ITGB2: variants seen among roughly 807,000 people sequenced by gnomAD.
ITGB2 encodes the protein integrin beta-2.
Under a neutral mutation model 86.8 loss-of-function variants are expected in ITGB2, and 56 were observed. The observed-to-expected ratio is 0.65, with a 90% CI of 0.52 to 0.81. The LOEUF is 0.81. ITGB2 is among the 30% of genes least tolerant of loss of function. ITGB2 has a pLI of 0.00. For synonymous variants in ITGB2, 457 were observed against 450.4 expected, an observed-to-expected ratio of 1.01 and a Z score of -0.19; for missense variants, 948 against 1,061.2, an observed-to-expected ratio of 0.89 and a Z score of 1.48.
At chr21:44,886,642 A>G in intron 15 of ITGB2, 94 bp downstream of exon 15, 1 of 1,558,890 alleles carries the variant, frequency 6.4e-7, no homozygotes, top group Non-Finnish European at 8.8e-7. Flanking sequence ...GGGTGCAGCC[A>G]CACACGGGTG....
intron 9 of ITGB2, chr21:44,894,040 G>A (rs2083827794): frequency 3.9e-6 from 1 of 257,074 alleles, no homozygotes; most frequent in African/African-American, 2.2e-5. Flanking sequence ...GACAAAGACT[G>A]AGAGACAGAC....
intron 3 of ITGB2, among the ~76,000 whole-genome samples, chr21:44,907,809 G>A (rs1195436323): frequency 6.6e-6 from 1 of 152,200 alleles, no homozygotes; most frequent in Non-Finnish European, 1.5e-5. Context: ...GAGTCCCGCA[G>A]GCAGGGGGGC....
intron 4 of ITGB2, among the ~76,000 whole-genome samples, chr21:44,905,889 C>T (rs759216215): frequency 2.6e-5 from 4 of 152,164 alleles, no homozygotes; most frequent in African/African-American, 4.8e-5. Context: ...ACTCAGTGGC[C>T]GCTGACCTGG....
Position 44,910,732 on chromosome 21 carries a change from G to T in ITGB2, c.51C>A (p.Leu17=), listed in dbSNP as rs768225440. 2.0e-5 allele frequency: 32 copies of T among 1,613,878 alleles called. No individual in the cohort carries two copies. In the South Asian group the frequency reaches 3.2e-4, roughly 16 times the overall value. Residue 17 remains leucine, a synonymous_variant, in exon 2 of 16, where the codon CTC becomes CTA. Transcript: ENST00000652462. ...GTGGAACACAGAACTCACCGCACCC[G>T]AGGGAGAGCAGCCCCACCAGGGCGA... ...PLLALVGLLS[L]GCVLSQECTK...
chr21:44,900,596 T>C (rs2083939618), intron 6 of ITGB2, 121 bp from the exon 7 acceptor site: 1 of 1,227,726 alleles, frequency 8.1e-7, no homozygotes, highest in South Asian at 1.3e-5. Context: ...GGTCCCCCTT[T>C]CCCCTGGGTC....
Position 44,900,477 on chromosome 21 carries a change from T to C in ITGB2, c.742-2A>G. ...GACGTTGCGCCAGCCGATTTCCTCC[T>C]GAGAAGAAGGCGTGGGGGGCAGGGT... On this transcript the variant is annotated splice_acceptor_variant, in intron 6 of 15. Transcript: ENST00000652462. LOFTEE classifies it high-confidence loss of function. 1.2e-6 allele frequency: 2 copies of C among 1,613,890 alleles called. No homozygotes were observed. The highest frequency in any genetic ancestry group is 1.7e-6 in the Non-Finnish European group (2 of 1,179,938).
chr21:44,908,703 T>C (rs2084082225), intron 3 of ITGB2, among the ~76,000 whole-genome samples: 1 of 152,200 alleles, frequency 6.6e-6, no homozygotes, highest in Admixed American at 6.5e-5. Flanking sequence ...GTCTGAGGAA[T>C]TCTGTCTGCG....
chr21:44,888,908 A>G lies in ITGB2; in HGVS notation c.1878-13T>C. ...CTCGGCGCAGGAGCTGCGGGGAGCCAGGTGTGAGCATCGGTGCCAGGGTGT... is the reference window on the plus strand; with the variant it reads ...CTCGGCGCAGGAGCTGCGGGGAGCCGGGTGTGAGCATCGGTGCCAGGGTGT... On this transcript the variant is annotated splice_polypyrimidine_tract_variant and intron_variant, in intron 13 of 15. Transcript: ENST00000652462. 1 of 1,595,070 alleles carries G rather than the reference A, an allele frequency of 6.3e-7. No homozygotes were observed. Among genetic ancestry groups the G allele is most frequent in the Non-Finnish European group, 8.5e-7 (1 of 1,176,878 alleles).
intron 1 of ITGB2, among the ~76,000 whole-genome samples, chr21:44,913,333 A>G (rs1022902081): frequency 1.3e-5 from 2 of 152,154 alleles, no homozygotes; most frequent in South Asian, 2.1e-4. Flanking sequence ...AACACTTCAT[A>G]CCCTCAAATG....
intron 8 of ITGB2, among the ~76,000 whole-genome samples, chr21:44,898,568 G>A (rs969738736): frequency 2.6e-5 from 4 of 152,238 alleles, no homozygotes; most frequent in Admixed American, 2.6e-4. Flanking sequence ...CATGGCACTA[G>A]CAGCGGAAAT....
At chr21:44,922,677 A>G (rs931393550), upstream of ITGB2, among the ~76,000 whole-genome samples, 1 of 142,574 alleles carries the variant, frequency 7.0e-6, no homozygotes, top group Non-Finnish European at 1.5e-5. Context: ...AAAAAAAAAA[A>G]GGCAAATCCT....
Position 44,903,432 on chromosome 21 carries a change from C to A in ITGB2, c.432G>T (p.Arg144Ser). 6.2e-7 allele frequency: 1 copy of A among 1,614,102 alleles called. No individual in the cohort carries two copies. The highest frequency in any genetic ancestry group is 8.5e-7 in the Non-Finnish European group (1 of 1,179,986). Reference protein sequence around the residue: ...DLSYSMLDDLRNVKKLGGDLL... With the variant: ...DLSYSMLDDLSNVKKLGGDLL... ...GGTCGCCACCTAGCTTCTTGACATT[C>A]CTGAGGTCATCAAGCATGGAGTAGG... The change falls in exon 5 of 16, where the codon AGG becomes AGT. Residue 144 changes from arginine (R) to serine (S), a missense_variant. Arg to Ser is a moderately radical substitution (Grantham distance 110). Coordinates refer to ENST00000652462, the MANE Select transcript of ITGB2 (RefSeq NM_000211.5).
In ITGB2 at chr21:44,903,502, C is replaced by T. The variant is rs376053062; in HGVS notation, c.362G>A (p.Arg121Gln). 10 of 1,614,046 alleles carry T rather than the reference C, an allele frequency of 6.2e-6. No homozygotes were observed. The highest frequency in any genetic ancestry group is 1.3e-5 in the African/African-American group (1 of 74,998). ...QAAAFNVTFR[R>Q]AKGYPIDLYY... ...CAGGTCGATGGGGTAGCCCTTGGCC[C>T]GCCGGAAGGTCACGTTGAACGCTGC... The change falls in exon 5 of 16, where the codon CGG (arginine) becomes CAG (glutamine). Residue 121 changes from arginine to glutamine, a missense_variant. Transcript: ENST00000652462.
intron 10 of ITGB2, among the ~76,000 whole-genome samples, chr21:44,892,545 T>C (rs747728800): frequency 7.4e-5 from 10 of 134,918 alleles, no homozygotes; most frequent in Non-Finnish European, 1.2e-4. Context: ...ACTTGGATTG[T>C]AGTGAGCCAA....
rs181831000 is a variant in ITGB2 at position 44,896,367 on chromosome 21, G to A, written c.994-1307C>T. The stretch of plus-strand genomic sequence containing the variant: ...AGTTTCCATGGGTGTTAAACAGCCC[G>A]GTGACATCGGTTCTGGCCGGCCAGA... On this transcript the variant is annotated intron_variant, in intron 8 of 15. Transcript: ENST00000652462. 4.1e-4 allele frequency among the ~76,000 whole-genome samples: 63 copies of A among 152,308 alleles called. No individual in the cohort carries two copies. The East Asian group carries it at 0.01, about 24-fold the overall frequency.
intron 3 of ITGB2, chr21:44,908,074 C>T: frequency 1.4e-6 from 1 of 718,124 alleles, no homozygotes; most frequent in Non-Finnish European, 2.6e-6. Context: ...TAGTTTCCAC[C>T]TGGGGCCTGG....
chr21:44,904,209 C>T (rs1417519303), intron 4 of ITGB2, among the ~76,000 whole-genome samples: 1 of 152,112 alleles, frequency 6.6e-6, no homozygotes, highest in South Asian at 2.1e-4. Flanking sequence ...CTTCAGCCCC[C>T]CTGGGCGGCA....
intron 1 of ITGB2, chr21:44,928,371 A>G (rs2146584217): frequency 6.6e-6 from 1 of 152,404 alleles, no homozygotes; most frequent in South Asian, 2.1e-4. Context: ...ACCGGAGAAG[A>G]AGAAACTGTA....
intron 1 of ITGB2, among the ~76,000 whole-genome samples, chr21:44,919,172 GGGGT>G (rs1398221453): frequency 1.7e-4 from 26 of 152,198 alleles, no homozygotes; most frequent in Admixed American, 2.6e-4. Flanking sequence ...GGTGGCCACA[GGGGT>G]CCTGGCCATG....
Sources: gnomAD v4.1 joint callset for allele counts (sites outside exome capture counted in the v4.1 genomes callset) on GRCh38, gnomAD v4.1.1 for gene constraint, MANE v1.5 for transcripts, NCBI Gene and HGNC (gene_info 2026-07-23, HGNC 2026-07-21) for gene names.